Variants in CES1 observed in about 807,000 individuals in gnomAD.
CES1 encodes carboxylesterase 1.
In CES1, 50 loss-of-function variants were observed where a neutral mutation model predicts 53.0. The ratio of observed to expected loss-of-function variants is 0.94; its 90% CI spans 0.75 to 1.19. CES1 has a LOEUF of 1.19. Ranked by LOEUF, CES1 falls within the 50% of genes most tolerant of loss-of-function variation. CES1 has a pLI of 0.00. For missense variants in CES1, 534 were observed against 538.0 expected (o/e 0.99, Z 0.07); for synonymous variants, 202 against 210.1 (o/e 0.96, Z 0.33).
At chr16:55,832,853 G>A (rs1597097405) in intron 1 of CES1, 151 bp downstream of exon 1, 3 of 809,594 alleles carry the variant, frequency 3.7e-6, no homozygotes, top group Non-Finnish European at 6.4e-6. Flanking sequence ...GCCGGGCTCA[G>A]CTGCTCCAAG....
chr16:55,817,311 A>G (rs2031985004), intron 7 of CES1, among the ~76,000 whole-genome samples: 1 of 152,224 alleles, frequency 6.6e-6, no homozygotes, highest in Non-Finnish European at 1.5e-5. Flanking sequence ...AAGCTGAAGG[A>G]CAGAGAATGG....
Position 55,816,906 on chromosome 16 carries a change from G to A in CES1, c.945+18C>T, listed in dbSNP as rs370281838. 110 of 1,613,512 alleles carry A rather than the reference G, an allele frequency of 6.8e-5. No homozygotes were observed. The highest frequency in any genetic ancestry group is 4.7e-5 in the Non-Finnish European group (56 of 1,179,578). On this transcript the variant is annotated intron_variant, in intron 8 of 13. Coordinates refer to ENST00000360526, the MANE Select transcript of CES1 (RefSeq NM_001025195.2). ...GCTAAGACTCAAAACCCGTAATCCA[G>A]AAACAAAAGGTCCTTACCTCTCTGG... is the stretch of plus-strand genomic sequence containing the variant.
At chr16:55,824,280 C>T (rs1334411606) in intron 3 of CES1, among the ~76,000 whole-genome samples, 4 of 152,396 alleles carry the variant, frequency 2.6e-5, no homozygotes, top group East Asian at 1.9e-4. Context: ...CTAACACTGT[C>T]GAGAACTTAG....
chr16:55,820,938 G>C (rs1215142445), intron 5 of CES1, among the ~76,000 whole-genome samples: 24 of 152,264 alleles, frequency 1.6e-4, no homozygotes, highest in African/African-American at 5.1e-4. Context: ...CCACATGTAG[G>C]TCTGGTTTAG....
At chr16:55,809,879 C>T (rs2031610788) in intron 11 of CES1, among the ~76,000 whole-genome samples, 1 of 152,210 alleles carries the variant, frequency 6.6e-6, no homozygotes, top group Non-Finnish European at 1.5e-5. Context: ...AGCCCTATGT[C>T]CCACAATAAC....
At chr16:55,831,958 G>C (rs2032698641) in intron 1 of CES1, among the ~76,000 whole-genome samples, 1 of 151,530 alleles carries the variant, frequency 6.6e-6, no homozygotes, top group Admixed American at 6.6e-5. Context: ...TCTGTATTCT[G>C]ATGCTCTGGC....
At chr16:55,829,048 T>C (rs2032537620) in intron 1 of CES1, 74 bp from the exon 2 acceptor site, 1 of 1,500,296 alleles carries the variant, frequency 6.7e-7, no homozygotes, top group South Asian at 1.2e-5. Flanking sequence ...AGTTTGCCGC[T>C]TTCTAAGTGA....
In CES1 at chr16:55,823,571, A is replaced by C; in HGVS notation, c.518T>G (p.Leu173Arg). The C allele has an allele frequency of 6.2e-7, 1 of 1,613,742 alleles. No homozygotes were observed. Among genetic ancestry groups the C allele is most frequent in the South Asian group, 1.1e-5 (1 of 91,060 alleles). ...NVVVVTIQYR[L>R]GIWGFFSTGD... ...TTACCTGAAGAATCCCCAGATGCCC[A>C]GGCGATATTGAATGGTCACCACCAC... The change falls in exon 4 of 14, where the codon CTG becomes CGG. Residue 173 changes from leucine to arginine, a missense_variant. Leu to Arg is a moderately radical substitution (Grantham distance 102). Coordinates refer to ENST00000360526, the MANE Select transcript of CES1 (RefSeq NM_001025195.2).
chr16:55,830,813 G>GGAAGGAAGGAAGGTAA (rs2032625685), intron 1 of CES1, among the ~76,000 whole-genome samples: 4 of 149,816 alleles, frequency 2.7e-5, no homozygotes, highest in Non-Finnish European at 4.4e-5. Context: ...AAGGAAGGAA[G>GGAAGGAAGGAAGGTAA]GAAGGAAGGC....
intron 1 of CES1, among the ~76,000 whole-genome samples, chr16:55,832,630 C>T (rs1186536172): frequency 7.2e-5 from 11 of 152,238 alleles, no homozygotes; most frequent in Non-Finnish European, 1.2e-4. Context: ...AACCCACGCA[C>T]TCTGGCTCCA....
intron 1 of CES1, among the ~76,000 whole-genome samples, chr16:55,829,802 C>A (rs1288451574): frequency 1.3e-5 from 2 of 152,246 alleles, no homozygotes; most frequent in African/African-American, 4.8e-5. Context: ...GAAGATTCTT[C>A]TGGTGGCCCT....
intron 11 of CES1, among the ~76,000 whole-genome samples, chr16:55,809,410 A>C (rs2031586381): frequency 6.6e-6 from 1 of 151,986 alleles, no homozygotes; most frequent in Non-Finnish European, 1.5e-5. Context: ...AAATTTAAAA[A>C]CCCTTCCAGC....
chr16:55,809,482 G>T (rs574568899), intron 11 of CES1, among the ~76,000 whole-genome samples: 4 of 152,326 alleles, frequency 2.6e-5, no homozygotes, highest in African/African-American at 9.6e-5. Context: ...GGAAGAAAAG[G>T]AATCCTGTGA....
At chr16:55,831,055 A>C (rs1366453654) in intron 1 of CES1, among the ~76,000 whole-genome samples, 1 of 152,168 alleles carries the variant, frequency 6.6e-6, no homozygotes, top group Non-Finnish European at 1.5e-5. Context: ...GCTGGAAGGA[A>C]GCCTGGTGAG....
At chr16:55,821,302 G>A (rs556948190) in intron 5 of CES1, 66 bp downstream of exon 5, 1,363 of 1,589,688 alleles carry the variant, frequency 8.6e-4, no homozygotes, top group Non-Finnish European at 1.1e-3. Context: ...GGATTGACAG[G>A]TGTCCAAGAG....
Position 55,816,940 on chromosome 16 carries a change from T to A in CES1, c.929A>T (p.Gln310Leu), listed in dbSNP as rs2031970087. The A allele has an allele frequency of 6.2e-7, 1 of 1,614,132 alleles. No homozygotes were observed. The highest frequency in any genetic ancestry group is 1.3e-5 in the African/African-American group (1 of 75,036). ...GGTCCTTACCTCTCTGGGGTCTCCC[T>A]GTAAGTCCAGAGATAAGAATTTCTG... Reference protein sequence around the residue: ...LKMKFLSLDLQGDPRESQPLL... With the variant: ...LKMKFLSLDLLGDPRESQPLL... Residue 310 changes from glutamine (Q) to leucine (L), a missense_variant, in exon 8 of 14, where the codon CAG (glutamine) becomes CTG (leucine). Gln to Leu is a moderately radical substitution (Grantham distance 113). Transcript: ENST00000360526.
rs376597833 is a variant in CES1 at position 55,819,639 on chromosome 16, G to A, written c.802C>T (p.Gln268Ter). 6.2e-6 allele frequency: 10 copies of A among 1,611,394 alleles called. No homozygotes were observed. The highest frequency in any genetic ancestry group is 8.5e-6 in the Non-Finnish European group (10 of 1,177,558). ...KKGDVKPLAE[Q>*]IAITAGCKTT... ...TTGCACCCAGCAGTGATAGCAATTT[G>A]CTGCAAAGATCACAGGCAACAACAG... is the stretch of plus-strand genomic sequence containing the variant. The change falls in exon 7 of 14, where the codon CAA (glutamine) becomes TAA (stop). Residue 268 changes from glutamine to a stop codon, truncating the protein, a stop_gained and splice_region_variant. Transcript: ENST00000360526. LOFTEE classifies it high-confidence loss of function.
intron 8 of CES1, among the ~76,000 whole-genome samples, chr16:55,813,600 C>T (rs1180034500): frequency 1.3e-5 from 2 of 152,216 alleles, no homozygotes; most frequent in Non-Finnish European, 2.9e-5. Flanking sequence ...ATGTATGAAT[C>T]GGCCAATTTC....
At chr16:55,822,917 A>G (rs2032261196) in intron 4 of CES1, among the ~76,000 whole-genome samples, 1 of 151,860 alleles carries the variant, frequency 6.6e-6, no homozygotes, top group South Asian at 2.1e-4. Context: ...GGAGAACCTT[A>G]GAAAAGGTTC....
Sources: gnomAD v4.1 joint callset for allele counts (sites outside exome capture counted in the v4.1 genomes callset) on GRCh38, gnomAD v4.1.1 for gene constraint, MANE v1.5 for transcripts, NCBI Gene and HGNC (gene_info 2026-07-23, HGNC 2026-07-21) for gene names.